Variants in PDK1 observed in about 807,000 individuals in gnomAD.
The protein encoded by PDK1 is [Pyruvate dehydrogenase (acetyl-transferring)] kinase isozyme 1, mitochondrial.
A neutral mutation model predicts 54.2 loss-of-function variants in PDK1; 39 were observed. The observed-to-expected ratio is 0.72, with a 90% CI of 0.56 to 0.94. The LOEUF (loss-of-function observed/expected upper bound fraction) is 0.94, where lower values mean the gene tolerates loss of function less well. Among genes scored for constraint, PDK1 ranks in the 40% least tolerant of loss-of-function variants. The probability of loss-of-function intolerance (pLI) is 0.00; values close to 1 mark genes in which losing one functional copy is unlikely to be tolerated. For missense variants in PDK1, 552 were observed against 566.0 expected (o/e 0.98, Z 0.25); for synonymous variants, 221 against 207.1 (o/e 1.07, Z -0.58).
intron 8 of PDK1, among the ~76,000 whole-genome samples, chr2:172,583,900 A>G (rs1690064757): frequency 6.6e-6 from 1 of 152,186 alleles, no homozygotes; most frequent in African/African-American, 2.4e-5. Context: ...CTATATTGTT[A>G]TAGGCAGTAA....
the PDK1 span, among the ~76,000 whole-genome samples, chr2:172,628,317 C>G: frequency 6.6e-6 from 1 of 152,220 alleles, no homozygotes; most frequent in East Asian, 1.9e-4. Flanking sequence ...TGCAAACCAC[C>G]ATGTGGATAT....
the PDK1 span, among the ~76,000 whole-genome samples, chr2:172,679,759 A>G: frequency 6.6e-6 from 1 of 152,140 alleles, no homozygotes; most frequent in African/African-American, 2.4e-5. Context: ...AAGAAAAAAA[A>G]AGAATGGAAG....
Position 172,562,267 on chromosome 2 carries a change from C to A in PDK1, c.386C>A (p.Ala129Asp), listed in dbSNP as rs768904460. The A allele has an allele frequency of 1.9e-6, 3 of 1,599,782 alleles. 1 individual carries two copies. The South Asian group carries it at 3.3e-5, about 18-fold the overall frequency. Residue 129 changes from alanine to aspartate, a missense_variant, in exon 3 of 11, where the codon GCT (alanine) becomes GAT (aspartate). By Grantham distance (126) the Ala-to-Asp change is moderately radical (BLOSUM62 -2). Transcript: ENST00000282077. ...CTTCTTGATTTTAAGGACAAAAGTG[C>A]TGAGGATGCTAAAGCTATTTATGAG... is the stretch of plus-strand genomic sequence containing the variant. ...QELLDFKDKSAEDAKAIYDFT... is the reference protein window; with the variant it reads ...QELLDFKDKSDEDAKAIYDFT...
the PDK1 span, among the ~76,000 whole-genome samples, chr2:172,624,764 C>G: frequency 1.3e-5 from 2 of 152,014 alleles, no homozygotes; most frequent in South Asian, 4.1e-4. Flanking sequence ...TTTGGGAGGC[C>G]GAGGTGGGCG....
chr2:172,561,269 G>A (rs1362408214), intron 2 of PDK1, among the ~76,000 whole-genome samples: 2 of 152,202 alleles, frequency 1.3e-5, no homozygotes, highest in African/African-American at 4.8e-5. Flanking sequence ...CTCTTGGATG[G>A]AGAGCGTAGT....
chr2:172,677,891 G>A, the PDK1 span, among the ~76,000 whole-genome samples: 5 of 152,182 alleles, frequency 3.3e-5, no homozygotes, highest in East Asian at 7.7e-4. Context: ...AAATTAGGCC[G>A]GGTGCGGTAG....
At chr2:172,707,738 C>T in the PDK1 span, among the ~76,000 whole-genome samples, 1 of 152,242 alleles carries the variant, frequency 6.6e-6, no homozygotes, top group East Asian at 1.9e-4. Context: ...ACTCCATCTT[C>T]CCAGAAACAA....
At position 172,601,502 on chromosome 2, in the gene PDK1, G is replaced by C. The variant is rs980492904; in HGVS notation, c.*5533G>C. 1.3e-5 allele frequency: 2 copies of C among 152,186 alleles called. No homozygotes were observed. The highest frequency in any genetic ancestry group is 2.4e-5 in the African/African-American group (1 of 41,458). 9.4% of individuals were successfully genotyped at this position (152,186 alleles called of 1,614,324 possible). A position where few individuals can be genotyped will look rare whatever the true frequency, so the allele number is the denominator to read the frequency against. ...GTGATAGTTCCCATGAGATCTGATG[G>C]TTTTATAAGTATTTGGTAGTTCCTC... is the stretch of plus-strand genomic sequence containing the variant. On this transcript the variant is annotated 3_prime_UTR_variant, in exon 11 of 11. Coordinates refer to ENST00000282077, the MANE Select transcript of PDK1 (RefSeq NM_002610.5).
chr2:172,658,441 T>C, the PDK1 span, among the ~76,000 whole-genome samples: 3 of 152,150 alleles, frequency 2.0e-5, no homozygotes, highest in Non-Finnish European at 2.9e-5. Flanking sequence ...TACAAATTGA[T>C]TGTAAAACAT....
At chr2:172,584,987 TTTTG>T (rs1327117849) in intron 8 of PDK1, among the ~76,000 whole-genome samples, 2 of 151,930 alleles carry the variant, frequency 1.3e-5, no homozygotes. Flanking sequence ...GCTTTTCTTT[TTTTG>T]TTTGTTTTTG....
At chr2:172,669,272 C>G in the PDK1 span, among the ~76,000 whole-genome samples, 3 of 151,936 alleles carry the variant, frequency 2.0e-5, no homozygotes, top group African/African-American at 7.3e-5. Context: ...TGGTCTCGAT[C>G]TCCTGACCCT....
At chr2:172,612,705 TTG>T (rs1691501381), downstream of PDK1, among the ~76,000 whole-genome samples, 1 of 152,124 alleles carries the variant, frequency 6.6e-6, no homozygotes, top group South Asian at 2.1e-4. Flanking sequence ...TCACTGTTAA[TTG>T]TCCAGGCTGG....
At chr2:172,638,428 A>G in the PDK1 span, among the ~76,000 whole-genome samples, 1 of 152,256 alleles carries the variant, frequency 6.6e-6, no homozygotes. Context: ...TGTTTTTGAA[A>G]ATTATTAACT....
chr2:172,627,025 AAG>A, the PDK1 span, among the ~76,000 whole-genome samples: 2 of 152,206 alleles, frequency 1.3e-5, no homozygotes, highest in Admixed American at 6.5e-5. Flanking sequence ...TAGAGAAAAA[AAG>A]AGGGGAGAGA....
In PDK1 at chr2:172,608,505, C is replaced by T. The variant is rs779480294; in HGVS notation, c.*12536C>T. The T allele has an allele frequency of 6.6e-6, 1 of 152,148 alleles. No individual in the cohort carries two copies. Among genetic ancestry groups the T allele is most frequent in the Non-Finnish European group, 1.5e-5 (1 of 68,032 alleles). The allele number at this position is 152,148 out of a possible 1,614,324, so 9.4% of individuals were successfully genotyped here. On this transcript the variant is annotated 3_prime_UTR_variant, in exon 11 of 11. Transcript: ENST00000282077. ...TAAATTTCCATCATGTTAAATTGTACAACTGTTTATCATTCACTCTGCTGT... is the reference window on the plus strand; with the variant it reads ...TAAATTTCCATCATGTTAAATTGTATAACTGTTTATCATTCACTCTGCTGT...
the PDK1 span, among the ~76,000 whole-genome samples, chr2:172,698,448 A>T: frequency 2.5e-3 from 379 of 152,342 alleles, 1 homozygote; most frequent in Non-Finnish European, 4.2e-3. Flanking sequence ...CCAAACTACT[A>T]CAGAGCCTCC....
At chr2:172,715,468 C>T in the PDK1 span, among the ~76,000 whole-genome samples, 1 of 152,250 alleles carries the variant, frequency 6.6e-6, no homozygotes, top group Non-Finnish European at 1.5e-5. Context: ...CTTCTGAGGC[C>T]CACCACTATG....
intron 10 of PDK1, among the ~76,000 whole-genome samples, chr2:172,594,036 T>C (rs1379831579): frequency 2.8e-5 from 4 of 144,838 alleles, no homozygotes; most frequent in Non-Finnish European, 4.5e-5. Flanking sequence ...GCAATGTTTT[T>C]CTTTTTTTTT....
At chr2:172,627,119 T>G in the PDK1 span, among the ~76,000 whole-genome samples, 1 of 152,196 alleles carries the variant, frequency 6.6e-6, no homozygotes, top group Non-Finnish European at 1.5e-5. Flanking sequence ...TCATTTCAGA[T>G]GTAGAGGATT....
Sources: gnomAD v4.1 joint callset for allele counts (sites outside exome capture counted in the v4.1 genomes callset) on GRCh38, gnomAD v4.1.1 for gene constraint, MANE v1.5 for transcripts, NCBI Gene and HGNC (gene_info 2026-07-23, HGNC 2026-07-21) for gene names.